ZDHHC9: variants seen among roughly 807,000 people sequenced by gnomAD.
ZDHHC9 encodes the protein palmitoyltransferase ZDHHC9.
A neutral mutation model predicts 26.6 loss-of-function variants in ZDHHC9; 3 were observed. That is an observed-to-expected ratio of 0.11 (90% CI 0.05 to 0.29). The LOEUF (loss-of-function observed/expected upper bound fraction) is 0.29, where lower values mean the gene tolerates loss of function less well. ZDHHC9 is among the 10% of genes least tolerant of loss of function. ZDHHC9 has a pLI of 1.00. For synonymous variants in ZDHHC9, 111 were observed against 109.4 expected (o/e 1.01, Z -0.09); for missense variants, 146 against 296.4 (o/e 0.49, Z 3.73).
chrX:129,838,561 C>T (rs1317870903), intron 3 of ZDHHC9, among the ~76,000 whole-genome samples: 1 of 110,861 alleles, frequency 9.0e-6, no homozygotes, highest in Non-Finnish European at 1.9e-5. Flanking sequence ...CCCAGCTACT[C>T]GGGAGGCTGA....
intron 3 of ZDHHC9, among the ~76,000 whole-genome samples, chrX:129,835,722 G>A (rs1312371554): frequency 9.0e-6 from 1 of 111,251 alleles, no homozygotes; most frequent in African/African-American, 3.3e-5. Context: ...GGCGGAGGTT[G>A]CAGTGAGCCG....
intron 4 of ZDHHC9, among the ~76,000 whole-genome samples, chrX:129,824,210 A>C (rs1315478440): frequency 8.9e-6 from 1 of 112,097 alleles, no homozygotes; most frequent in East Asian, 2.8e-4. Flanking sequence ...AAACAATAAA[A>C]ATACCCCATG....
At chrX:129,811,055 C>T in intron 9 of ZDHHC9, 54 bp from the exon 10 acceptor site, 2 of 1,079,127 alleles carry the variant, frequency 1.9e-6, no homozygotes, top group Non-Finnish European at 1.3e-6. Flanking sequence ...CTCCACCCAC[C>T]TGGCCTACGG....
rs151007732 is a variant in ZDHHC9 at position 129,841,331 on chromosome X, G to A, written c.167+448C>T. ...AACTAATCTGTAGGTTCCCAACTCA[G>A]TTGGCTTTTCACTGTACCAGCTAGC... is the stretch of plus-strand genomic sequence containing the variant. On this transcript the variant is annotated intron_variant, in intron 3 of 10. Coordinates refer to ENST00000357166, the MANE Select transcript of ZDHHC9 (RefSeq NM_016032.4). Among the ~76,000 whole-genome samples, 595 of 112,351 alleles carry A rather than the reference G, an allele frequency of 5.3e-3. 2 individuals carry two copies. The highest frequency in any genetic ancestry group is 0.023 in the Middle Eastern group (5 of 217).
chrX:129,803,921 G>T lies in ZDHHC9; in HGVS notation c.*2449C>A, dbSNP rs1482798230. ...TTAATCTCCCCTCTGATCAGATAGG[G>T]ACAGTCCCAGCTGGTGCATGGTATG... On this transcript the variant is annotated 3_prime_UTR_variant, in exon 11 of 11. Transcript: ENST00000357166. The T allele has an allele frequency of 8.9e-6, 1 of 112,030 alleles. No homozygotes were observed. Among genetic ancestry groups the T allele is most frequent in the Non-Finnish European group, 1.9e-5 (1 of 53,188 alleles). 9.2% of individuals were successfully genotyped at this position (112,030 alleles called of 1,213,427 possible).
chrX:129,804,686 A>G lies in ZDHHC9; in HGVS notation c.*1684T>C. ...GAGCTTGTTCTCTTAAGTAAATATA[A>G]TCCCTCTACCTTCCTGATCCTGTTC... On this transcript the variant is annotated 3_prime_UTR_variant, in exon 11 of 11. Coordinates refer to ENST00000357166, the MANE Select transcript of ZDHHC9 (RefSeq NM_016032.4). 1 of 111,898 alleles carries G rather than the reference A, an allele frequency of 8.9e-6. No individual in the cohort carries two copies. The highest frequency in any genetic ancestry group is 2.8e-4 in the East Asian group (1 of 3,594). 9.2% of individuals were successfully genotyped at this position (111,898 alleles called of 1,213,427 possible).
intron 4 of ZDHHC9, among the ~76,000 whole-genome samples, chrX:129,827,805 TTTTG>T (rs34522637): frequency 9.3e-6 from 1 of 107,304 alleles, no homozygotes; most frequent in African/African-American, 3.4e-5. Flanking sequence ...AAGCAGCGTT[TTTTG>T]TTTGTTTGTT....
intron 5 of ZDHHC9, 22 bp from the exon 6 acceptor site, chrX:129,814,817 C>T (rs1305532323): frequency 1.7e-6 from 2 of 1,208,110 alleles, no homozygotes; most frequent in African/African-American, 3.5e-5. Context: ...AGAGAGAGTC[C>T]AAAGCCAAAA....
chrX:129,811,848 A>T (rs989347205), intron 8 of ZDHHC9, among the ~76,000 whole-genome samples: 1 of 111,328 alleles, frequency 9.0e-6, no homozygotes, highest in Non-Finnish European at 1.9e-5. Context: ...GCCATGAAAA[A>T]TACTCACAAT....
chrX:129,823,632 T>C (rs750319249), intron 5 of ZDHHC9, 47 bp downstream of exon 5: 2 of 1,206,356 alleles, frequency 1.7e-6, no homozygotes, highest in East Asian at 5.9e-5. Flanking sequence ...GACTTTCTAG[T>C]TCAACTCAGC....
intron 6 of ZDHHC9, 35 bp from the exon 7 acceptor site, chrX:129,813,760 T>C (rs768198376): frequency 1.7e-6 from 2 of 1,156,036 alleles, no homozygotes; most frequent in East Asian, 6.0e-5. Flanking sequence ...AGAGAAAAAT[T>C]AGTGACTTCA....
chrX:129,838,175 G>A (rs754822567), intron 3 of ZDHHC9, among the ~76,000 whole-genome samples: 2 of 111,905 alleles, frequency 1.8e-5, no homozygotes, highest in Admixed American at 9.5e-5. Flanking sequence ...ACTTAAATAC[G>A]TTTACCATGA....
chrX:129,814,623 C>T (rs1306661307), intron 6 of ZDHHC9, 35 bp downstream of exon 6: 12 of 1,208,030 alleles, frequency 9.9e-6, no homozygotes, highest in Non-Finnish European at 1.2e-5. Context: ...CCACCCAGCC[C>T]CACTCCAACA....
At chrX:129,814,381 C>T (rs1602947061) in intron 6 of ZDHHC9, among the ~76,000 whole-genome samples, 1 of 111,997 alleles carries the variant, frequency 8.9e-6, no homozygotes, top group East Asian at 2.8e-4. Context: ...TTGGGATTAC[C>T]TCAGAAATGC....
chrX:129,830,310 T>C (rs1158564076), intron 3 of ZDHHC9, among the ~76,000 whole-genome samples: 2 of 111,676 alleles, frequency 1.8e-5, no homozygotes, highest in African/African-American at 6.5e-5. Flanking sequence ...ATCGATAAAA[T>C]GAGGATAATA....
Position 129,823,829 on chromosome X carries a change from T to G in ZDHHC9, c.337A>C (p.Asn113His). Reference protein sequence around the residue: ...AFIEMEIEATNGAVPQGQRPP... With the variant: ...AFIEMEIEATHGAVPQGQRPP... ...CGCTGGCCCTGGGGCACCGCACCAT[T>G]GGTAGCTTCTGTAAATCAATAAAGA... Residue 113 changes from asparagine to histidine, a missense_variant, in exon 5 of 11, where the codon AAT (asparagine) becomes CAT (histidine). Around this residue, in one of 2 missense-constraint regions of ZDHHC9, gnomAD observed 100 missense variants for 250.0 expected, o/e 0.40. Transcript: ENST00000357166. 1 of 1,208,290 alleles carries G rather than the reference T, an allele frequency of 8.3e-7. No homozygotes were observed. Among genetic ancestry groups the G allele is most frequent in the Non-Finnish European group, 1.1e-6 (1 of 895,078 alleles).
intron 5 of ZDHHC9, among the ~76,000 whole-genome samples, chrX:129,820,998 C>T (rs1199306576): frequency 9.0e-6 from 1 of 110,597 alleles, no homozygotes; most frequent in Non-Finnish European, 1.9e-5. Flanking sequence ...TCATTGTTCT[C>T]GAAAGAAGAC....
chrX:129,812,065 G>C (rs1038813973), intron 8 of ZDHHC9, among the ~76,000 whole-genome samples: 4 of 109,144 alleles, frequency 3.7e-5, no homozygotes, highest in African/African-American at 1.0e-4. Flanking sequence ...TTTCTACAGT[G>C]AATGTAGATT....
chrX:129,815,099 G>A (rs957363519), intron 5 of ZDHHC9, among the ~76,000 whole-genome samples: 2 of 110,910 alleles, frequency 1.8e-5, no homozygotes, highest in Non-Finnish European at 3.8e-5. Context: ...CAGAGACACT[G>A]CTTTTCCAAA....
Sources: gnomAD v4.1 joint callset for allele counts (sites outside exome capture counted in the v4.1 genomes callset) on GRCh38, gnomAD v4.1.1 for gene constraint, gnomAD v4.1.1 regional missense constraint, MANE v1.5 for transcripts, NCBI Gene and HGNC (gene_info 2026-07-23, HGNC 2026-07-21) for gene names.